The following RALGDS variants were observed in gnomAD, a reference collection of about 807,000 sequenced individuals.
RALGDS encodes the protein ral guanine nucleotide dissociation stimulator, also known as ral guanine nucleotide exchange factor.
In RALGDS, 44 loss-of-function variants were observed where a neutral mutation model predicts 99.8. The observed-to-expected ratio is 0.44, with a 90% CI of 0.35 to 0.57. The LOEUF (loss-of-function observed/expected upper bound fraction) is 0.57. Ranked by LOEUF, RALGDS falls within the 20% of genes least tolerant of loss-of-function variation. RALGDS has a pLI of 0.01. For missense variants in RALGDS, 1,022 were observed against 1,203.1 expected (o/e 0.85, Z 2.23); for synonymous variants, 529 against 505.0 (o/e 1.05, Z -0.64).
chr9:133,112,013 C>T (rs1015440617), intron 2 of RALGDS, 29 bp downstream of exon 2: 4 of 1,503,414 alleles, frequency 2.7e-6, no homozygotes, highest in Non-Finnish European at 3.6e-6. Flanking sequence ...CCAGCTGCGT[C>T]TCCCAGTGGA....
chr9:133,102,977 T>C, intron 12 of RALGDS, 77 bp from the exon 13 acceptor site: 1 of 1,585,752 alleles, frequency 6.3e-7, no homozygotes, highest in East Asian at 2.3e-5. Flanking sequence ...GTCTTTGTTC[T>C]TGGGGTCCCT....
rs1832595639 is a variant in RALGDS at position 133,144,701 on chromosome 9, C to T, written c.18+4262G>A. Reference sequence around the variant, plus strand: ...GGGGGCTGGGTTCCTGCGATGTCTTCCGACTCCCCGCTGCTCCCCTAGTCC... The same window carrying T: ...GGGGGCTGGGTTCCTGCGATGTCTTTCGACTCCCCGCTGCTCCCCTAGTCC... On this transcript the variant is annotated intron_variant, in intron 1 of 17. Transcript: ENST00000393160. This position sits in a 1 kb window ranked among gnomAD's most constrained non-coding sequence, Gnocchi z 4.5. Among the ~76,000 whole-genome samples the T allele has an allele frequency of 6.6e-6, 1 of 152,354 alleles. No homozygotes were observed. The highest frequency in any genetic ancestry group is 2.1e-4 in the South Asian group (1 of 4,830).
At chr9:133,129,590 C>G (rs1018981187) in intron 1 of RALGDS, among the ~76,000 whole-genome samples, 1 of 152,130 alleles carries the variant, frequency 6.6e-6, no homozygotes, top group Non-Finnish European at 1.5e-5. Context: ...CCCCCTGTGT[C>G]GGGGGCCTGG....
chr9:133,148,924 T>C, intron 1 of RALGDS: 2 of 1,597,332 alleles, frequency 1.3e-6, no homozygotes. Context: ...CGGTCCTCCC[T>C]CCACCCGCGA....
chr9:133,124,089 TAC>T (rs1239320109), upstream of RALGDS, among the ~76,000 whole-genome samples: 6 of 83,602 alleles, frequency 7.2e-5, no homozygotes, highest in Non-Finnish European at 7.3e-5. Context: ...GACACAAAGA[TAC>T]ACAGAGATGC....
intron 1 of RALGDS, among the ~76,000 whole-genome samples, chr9:133,119,472 C>A (rs1831795998): frequency 6.6e-6 from 1 of 152,122 alleles, no homozygotes; most frequent in African/African-American, 2.4e-5. Context: ...GGGCAAGGAG[C>A]GCCAGGGCCA....
At chr9:133,109,026 A>C (rs1020672832) in intron 4 of RALGDS, among the ~76,000 whole-genome samples, 160 bp from the exon 5 acceptor site, 2 of 151,926 alleles carry the variant, frequency 1.3e-5, no homozygotes, top group African/African-American at 4.8e-5. Flanking sequence ...GTCAGTGGCG[A>C]ACACCTCTCC....
At chr9:133,108,470 C>T in intron 5 of RALGDS, 64 bp from the exon 6 acceptor site, 1 of 1,483,660 alleles carries the variant, frequency 6.7e-7, no homozygotes, top group Non-Finnish European at 9.1e-7. Context: ...AGACACAGAA[C>T]AGCCCCGGCT....
At chr9:133,129,770 T>G (rs987559231) in intron 1 of RALGDS, among the ~76,000 whole-genome samples, 2 of 151,418 alleles carry the variant, frequency 1.3e-5, no homozygotes, top group African/African-American at 2.4e-5. Context: ...AGACCTGAGC[T>G]CTTCCATCCC....
rs1830696690 is a variant in RALGDS at position 133,100,377 on chromosome 9, G to A, written c.2460C>T (p.Thr820=). 4 of 1,614,006 alleles carry A rather than the reference G, an allele frequency of 2.5e-6. No individual in the cohort carries two copies. The highest frequency in any genetic ancestry group is 3.4e-6 in the Non-Finnish European group (4 of 1,180,008). ...NGNMYKSILV[T]SQDKAPAVIR... The stretch of plus-strand genomic sequence containing the variant: ...TTACAGCCGGAGCCTTATCTTGGCT[G>A]GTCACCTGCATCGCGGCGGGGGATG... Residue 820 remains threonine (T), a synonymous_variant, in exon 17 of 18, where the codon ACC becomes ACT. Coordinates refer to ENST00000372050, the MANE Select transcript of RALGDS (RefSeq NM_006266.4).
intron 1 of RALGDS, among the ~76,000 whole-genome samples, chr9:133,119,517 G>A (rs369585420): frequency 6.6e-6 from 1 of 152,164 alleles, no homozygotes; most frequent in African/African-American, 2.4e-5. Context: ...GGCAGGGGTG[G>A]GGCTCAGCTC....
chr9:133,149,108 C>T (rs1352540339), exon 1 of RALGDS: 2 of 483,626 alleles, frequency 4.1e-6, no homozygotes, highest in East Asian at 8.5e-5. Context: ...CCTCCGGTCC[C>T]CGCCGGGCCC....
chr9:133,102,081 C>T lies in RALGDS; in HGVS notation c.2068G>A (p.Asp690Asn). 1.3e-6 allele frequency: 2 copies of T among 1,572,910 alleles called. No homozygotes were observed. The highest frequency in any genetic ancestry group is 1.7e-6 in the Non-Finnish European group (2 of 1,158,756). ...TSGSSHSKSC[D>N]QLRCGPYLSS... is the part of the protein sequence containing the mutation. Reference sequence around the variant, plus strand: ...AGGTAGGGGCCACACCTGAGCTGGTCACAGGACTTGGAGTGGGAGCTGCCA... The same window carrying T: ...AGGTAGGGGCCACACCTGAGCTGGTTACAGGACTTGGAGTGGGAGCTGCCA... The change falls in exon 15 of 18, where the codon GAC (aspartate) becomes AAC (asparagine). Residue 690 changes from aspartate to asparagine, a missense_variant. Transcript: ENST00000372050.
At position 133,108,146 on chromosome 9, in the gene RALGDS, G is replaced by C. The variant is rs1034268530; in HGVS notation, c.1039C>G (p.Gln347Glu). ...GGAGCTGGCTCCAGCTCTAGAGTTT[G>C]TGAGGGAGCTGGATCCTGTTCTGGA... ...PAPEQDPAPS[Q>E]TLELEPAPAP... Residue 347 changes from glutamine (Q) to glutamate (E), a missense_variant, in exon 6 of 18, where the codon CAA becomes GAA. Coordinates refer to ENST00000372050, the MANE Select transcript of RALGDS (RefSeq NM_006266.4). 2.2e-5 allele frequency: 35 copies of C among 1,610,748 alleles called. No individual in the cohort carries two copies. The highest frequency in any genetic ancestry group is 2.8e-5 in the Non-Finnish European group (33 of 1,177,976).
Position 133,108,065 on chromosome 9 carries a change from C to T in RALGDS, c.1120G>A (p.Gly374Arg), listed in dbSNP as rs201185976. ...AGGTGAGGCTTCTCCTCACTCAGCC[C>T]GTTCTCTGCAACCACAGGTGAAGGC... ...SWPSPVVAEN[G>R]LSEEKPHLLV... Residue 374 changes from glycine to arginine, a missense_variant, in exon 6 of 18, where the codon GGG becomes AGG. Physicochemically the swap from Gly to Arg is moderately radical, Grantham distance 125. This residue lies in a region of RALGDS where 825 missense variants were observed against 994.5 expected (regional missense o/e 0.83). Transcript: ENST00000372050. 9.9e-6 allele frequency: 16 copies of T among 1,613,672 alleles called. No homozygotes were observed. The highest frequency in any genetic ancestry group is 1.6e-4 in the Middle Eastern group (1 of 6,062).
intron 9 of RALGDS, 61 bp downstream of exon 9, chr9:133,105,871 C>CAG (rs1831018253): frequency 3.7e-5 from 1 of 26,724 alleles, no homozygotes; most frequent in African/African-American, 1.1e-4. Context: ...GCCCCAGCCC[C>CAG]CGCCCCAGCC....
At position 133,108,092 on chromosome 9, in the gene RALGDS, A is replaced by G; in HGVS notation, c.1093T>C (p.Trp365Arg). ...PAPVPSLQPS[W>R]PSPVVAENGL... ...TTCTCTGCAACCACAGGTGAAGGCC[A>G]GGAAGGCTGTAATGATGGAACTGGT... The change falls in exon 6 of 18, where the codon TGG (tryptophan) becomes CGG (arginine). Residue 365 changes from tryptophan (W) to arginine (R), a missense_variant. Physicochemically the swap from Trp to Arg is moderately radical, Grantham distance 101 (BLOSUM62 -3). Transcript: ENST00000372050. 1 of 1,613,730 alleles carries G rather than the reference A, an allele frequency of 6.2e-7. No individual in the cohort carries two copies. Among genetic ancestry groups the G allele is most frequent in the South Asian group, 1.1e-5 (1 of 91,086 alleles).
rs1271857544 is a variant in RALGDS at position 133,142,822 on chromosome 9, C to CT, written c.18+6140_18+6141insA. 2.6e-5 allele frequency among the ~76,000 whole-genome samples: 4 copies of CT among 152,244 alleles called. No homozygotes were observed. The East Asian group carries it at 7.7e-4, about 29-fold the overall frequency. On this transcript the variant is annotated intron_variant, in intron 1 of 17. Coordinates refer to the RALGDS transcript ENST00000393160. Reference sequence around the variant, plus strand: ...TGGGGCCTAGGGCCTCCCAGCCCCGCCCTGCCCAGCAGCCGGGCCCAGCCC... The same window carrying CT: ...TGGGGCCTAGGGCCTCCCAGCCCCGCTCCTGCCCAGCAGCCGGGCCCAGCCC...
At chr9:133,108,598 G>A in intron 5 of RALGDS, 75 bp downstream of exon 5, 3 of 1,566,680 alleles carry the variant, frequency 1.9e-6, no homozygotes, top group East Asian at 2.3e-5. Context: ...ACCAGACCCT[G>A]GAGCCTCCTC....
Sources: allele counts gnomAD v4.1 joint callset (sites outside exome capture counted in the v4.1 genomes callset), GRCh38; gene constraint gnomAD v4.1.1; regional missense constraint gnomAD v4.1.1; non-coding constraint Gnocchi (gnomAD v3.1); transcripts MANE v1.5; gene names NCBI Gene and HGNC (gene_info 2026-07-23, HGNC 2026-07-21).